PIDD1: variants seen among roughly 807,000 people sequenced by gnomAD.
PIDD1 encodes the protein p53-induced death domain-containing protein 1.
In PIDD1, 72 loss-of-function variants were observed where a neutral mutation model predicts 80.0. The observed-to-expected ratio is 0.90, with a 90% CI of 0.74 to 1.09. The LOEUF is 1.09. Ranked by LOEUF, PIDD1 falls within the 50% of genes least tolerant of loss-of-function variation. PIDD1 has a pLI of 0.00. For synonymous variants in PIDD1, 655 were observed against 543.5 expected, an observed-to-expected ratio of 1.21 and a Z score of -2.85; for missense variants, 1,329 against 1,228.3, an observed-to-expected ratio of 1.08 and a Z score of -1.23.
rs767919263 is a variant in PIDD1 at position 800,045 on chromosome 11, G to A, written c.2275-31C>T. 4 of 1,609,284 alleles carry A rather than the reference G, an allele frequency of 2.5e-6. No individual in the cohort carries two copies. The African/African-American group carries it at 4.0e-5, about 16-fold the overall frequency. On this transcript the variant is annotated intron_variant, in intron 14 of 15. Transcript: ENST00000347755. Reference sequence around the variant, plus strand: ...GGAAGGAAAAAGTGCATTAAGCCCTGGGCTCCACCCCCAACTCCACCATGT... The same window carrying A: ...GGAAGGAAAAAGTGCATTAAGCCCTAGGCTCCACCCCCAACTCCACCATGT...
In PIDD1 at chr11:801,481, A is replaced by G; in HGVS notation, c.1446T>C (p.Pro482=). The change falls in exon 8 of 16, where the codon CCT becomes CCC. Residue 482 remains proline (P), a synonymous_variant. Coordinates refer to ENST00000347755, the MANE Select transcript of PIDD1 (RefSeq NM_145886.4). The part of the protein sequence containing the change: ...GHPGVKVIFP[P]GATEEPRRVS... ...CTCGACGAGGCTCCTCAGTGGCCCCAGGGGGGAAGATGACTTTGACCCCAG... is the reference window on the plus strand; with the variant it reads ...CTCGACGAGGCTCCTCAGTGGCCCCGGGGGGGAAGATGACTTTGACCCCAG... 6.5e-7 allele frequency: 1 copy of G among 1,546,178 alleles called. No individual in the cohort carries two copies. The highest frequency in any genetic ancestry group is 8.7e-7 in the Non-Finnish European group (1 of 1,143,784).
rs1865637494 is a variant in PIDD1 at position 804,454 on chromosome 11, C to G, written c.-66G>C. 6.6e-6 allele frequency: 10 copies of G among 1,507,550 alleles called. No homozygotes were observed. Among genetic ancestry groups the G allele is most frequent in the African/African-American group, 1.4e-5 (1 of 72,026 alleles). 93.4% of individuals were successfully genotyped at this position (1,507,550 alleles called of 1,614,324 possible). On this transcript the variant is annotated 5_prime_UTR_variant, in exon 2 of 16. Transcript: ENST00000347755. ...CGCAGGCAGGCCTGTCCAGGCAGCG[C>G]CCGGGGAAGCTGCAGAGGCAGGAGG... is the stretch of plus-strand genomic sequence containing the variant.
At chr11:808,429 A>G (rs1393619461), upstream of PIDD1, among the ~76,000 whole-genome samples, 3 of 151,910 alleles carry the variant, frequency 2.0e-5, no homozygotes, top group African/African-American at 4.8e-5. Context: ...CTCAGAAAAA[A>G]AGAAAAAAAA....
In PIDD1 at chr11:800,239, G is replaced by C; in HGVS notation, c.2166C>G (p.Ser722=). The C allele has an allele frequency of 6.2e-7, 1 of 1,610,454 alleles. No individual in the cohort carries two copies. Among genetic ancestry groups the C allele is most frequent in the South Asian group, 1.1e-5 (1 of 90,942 alleles). Residue 722 remains serine (S), a synonymous_variant, in exon 14 of 16, where the codon TCC becomes TCG. Coordinates refer to ENST00000347755, the MANE Select transcript of PIDD1 (RefSeq NM_145886.4). ...REAQAVRGQV[S]FYRGAVPVRV... The stretch of plus-strand genomic sequence containing the variant: ...GCACAGGCACCGCGCCACGGTAGAA[G>C]GACACCTGAAGGGGCATCGAATGGG...
At chr11:800,043 C>T in intron 14 of PIDD1, 29 bp from the exon 15 acceptor site, 1 of 1,609,880 alleles carries the variant, frequency 6.2e-7, no homozygotes, top group South Asian at 1.1e-5. Flanking sequence ...GCATTAAGCC[C>T]TGGGCTCCAC....
At chr11:803,058 A>G in intron 3 of PIDD1, 116 bp downstream of exon 3, 2 of 971,328 alleles carry the variant, frequency 2.1e-6, no homozygotes. Flanking sequence ...AGGTGGAGGG[A>G]CAACCAAGAG....
upstream of PIDD1, chr11:805,579 G>A (rs1865729405): frequency 7.2e-6 from 7 of 976,166 alleles, no homozygotes; most frequent in South Asian, 4.7e-5. Context: ...CCCAGGCCGG[G>A]GTGACGGGGG....
intron 2 of PIDD1, 167 bp downstream of exon 2, chr11:803,927 G>T: frequency 1.3e-6 from 1 of 779,616 alleles, no homozygotes; most frequent in Non-Finnish European, 2.0e-6. Flanking sequence ...GATCACCGAG[G>T]ATGGCGATGG....
Position 804,155 on chromosome 11 carries a change from C to G in PIDD1, c.234G>C (p.Leu78=), listed in dbSNP as rs1395506661. Residue 78 remains leucine, a synonymous_variant, in exon 2 of 16, where the codon CTG becomes CTC. Transcript: ENST00000347755. ...GAGGCAGCTGGGCCAGGGTGGCCTCCAGCAGCTGAGGGTCCTCGTGAGTGC... is the reference window on the plus strand; with the variant it reads ...GAGGCAGCTGGGCCAGGGTGGCCTCGAGCAGCTGAGGGTCCTCGTGAGTGC... The part of the protein sequence containing the change: ...RLSTHEDPQL[L]EATLAQLPQS... 1 of 1,613,318 alleles carries G rather than the reference C, an allele frequency of 6.2e-7. No homozygotes were observed. The highest frequency in any genetic ancestry group is 1.3e-5 in the African/African-American group (1 of 75,044).
chr11:799,915 G>C lies in PIDD1; in HGVS notation c.2374C>G (p.Leu792Val). The C allele has an allele frequency of 1.2e-6, 2 of 1,612,696 alleles. No individual in the cohort carries two copies. Among genetic ancestry groups the C allele is most frequent in the Non-Finnish European group, 1.7e-6 (2 of 1,179,918 alleles). ...CCCAGACGCCCAGCCACACTCAGCA[G>C]GTTGCTCTGCGTCAGAAAGCCGGTC... ...AETGFLTQSN[L>V]LSVAGRLGLD... The change falls in exon 15 of 16, where the codon CTG (leucine) becomes GTG (valine). Residue 792 changes from leucine to valine, a missense_variant. Leu to Val is a conservative substitution (Grantham distance 32). Coordinates refer to ENST00000347755, the MANE Select transcript of PIDD1 (RefSeq NM_145886.4).
rs763337871 is a variant in PIDD1, at chr11:801,844, G to A, written c.1302+121C>T. On this transcript the variant is annotated intron_variant, in intron 7 of 15. Coordinates refer to ENST00000347755, the MANE Select transcript of PIDD1 (RefSeq NM_145886.4). ...GGGTGGAAGGTGCCAGGGACATAGGGAAGCAGGATCCAGGAGGGACGGGGC... is the reference window on the plus strand; with the variant it reads ...GGGTGGAAGGTGCCAGGGACATAGGAAAGCAGGATCCAGGAGGGACGGGGC... 5 of 1,351,950 alleles carry A rather than the reference G, an allele frequency of 3.7e-6. No individual in the cohort carries two copies. In the South Asian group the frequency reaches 3.8e-5, roughly 10 times the overall value. The allele number at this position is 1,351,950 out of a possible 1,614,324, so 83.7% of individuals were successfully genotyped here. A position where few individuals can be genotyped will look rare whatever the true frequency, so the allele number is the denominator to read the frequency against.
Position 804,463 on chromosome 11 carries a change from GC to G in PIDD1, c.-75-1del. The G allele has an allele frequency of 6.7e-7, 1 of 1,503,736 alleles. No individual in the cohort carries two copies. Among genetic ancestry groups the G allele is most frequent in the Non-Finnish European group, 8.8e-7 (1 of 1,132,584 alleles). The allele number at this position is 1,503,736 out of a possible 1,614,324, so 93.1% of individuals were successfully genotyped here. Reference sequence around the variant, plus strand: ...GCCTGTCCAGGCAGCGCCCGGGGAAGCTGCAGAGGCAGGAGGAGGAGTGAGC... The same window carrying G: ...GCCTGTCCAGGCAGCGCCCGGGGAAGTGCAGAGGCAGGAGGAGGAGTGAGC... On this transcript the variant is annotated splice_acceptor_variant, in intron 1 of 15. Coordinates refer to ENST00000347755, the MANE Select transcript of PIDD1 (RefSeq NM_145886.4). LOFTEE classifies it low-confidence loss of function (5UTR_SPLICE).
rs772165329 is a variant in PIDD1, at chr11:803,437, C to A, written c.446G>T (p.Gly149Val). 1 of 1,613,900 alleles carries A rather than the reference C, an allele frequency of 6.2e-7. No individual in the cohort carries two copies. The highest frequency in any genetic ancestry group is 1.1e-5 in the South Asian group (1 of 91,086). The change falls in exon 3 of 16, where the codon GGT becomes GTT. Residue 149 changes from glycine to valine, a missense_variant. Coordinates refer to ENST00000347755, the MANE Select transcript of PIDD1 (RefSeq NM_145886.4). Reference sequence around the variant, plus strand: ...GTGAGACAGCAAGAGCGCACCCAGACCTCGCATCTGCAGGACACAGGCCGG... The same window carrying A: ...GTGAGACAGCAAGAGCGCACCCAGAACTCGCATCTGCAGGACACAGGCCGG... ...TLPACVLQMRGLGALLLSHNC... is the reference protein window; with the variant it reads ...TLPACVLQMRVLGALLLSHNC...
In PIDD1 at chr11:803,369, C is replaced by T. The variant is rs144504693; in HGVS notation, c.514G>A (p.Ala172Thr). 7.1e-5 allele frequency: 114 copies of T among 1,613,814 alleles called. No homozygotes were observed. The highest frequency in any genetic ancestry group is 1.3e-4 in the Admixed American group (8 of 60,012). ...ELPEALGALP[A>T]LTFLTVTHNR... ...TGTGTCACTGTGAGGAAGGTGAGGG[C>T]GGGGAGGGCCCCCAGAGCCTCAGGC... The change falls in exon 3 of 16, where the codon GCC becomes ACC. Residue 172 changes from alanine to threonine, a missense_variant. Coordinates refer to ENST00000347755, the MANE Select transcript of PIDD1 (RefSeq NM_145886.4).
At chr11:805,662 C>G (rs1865732652), upstream of PIDD1, 11 of 985,470 alleles carry the variant, frequency 1.1e-5, no homozygotes, top group Non-Finnish European at 1.2e-5. Flanking sequence ...CAAACCAGCC[C>G]AAACGGCCTC....
chr11:805,797 A>C, upstream of PIDD1: 1 of 528,716 alleles, frequency 1.9e-6, no homozygotes, highest in Non-Finnish European at 2.4e-6. Flanking sequence ...GGGGAGAAGG[A>C]GGCGTTAAGA....
rs1865542809 is a variant in PIDD1, at chr11:803,419, A to G, written c.464T>C (p.Leu155Pro). 6.2e-7 allele frequency: 1 copy of G among 1,613,966 alleles called. No individual in the cohort carries two copies. Among genetic ancestry groups the G allele is most frequent in the African/African-American group, 1.3e-5 (1 of 75,054 alleles). The change falls in exon 3 of 16, where the codon CTG becomes CCG. Residue 155 changes from leucine (L) to proline (P), a missense_variant. Transcript: ENST00000347755. ...CAGCTCAGAGAGGCAGTTGTGAGAC[A>G]GCAAGAGCGCACCCAGACCTCGCAT... Reference protein sequence around the residue: ...LQMRGLGALLLSHNCLSELPE... With the variant: ...LQMRGLGALLPSHNCLSELPE...
chr11:799,206 T>G lies in PIDD1; in HGVS notation c.*101A>C. Reference sequence around the variant, plus strand: ...AGGTGAAAGAAACAGTGCAGTTTTGTTGCTCACAGGGACCCGTCCCCACAC... The same window carrying G: ...AGGTGAAAGAAACAGTGCAGTTTTGGTGCTCACAGGGACCCGTCCCCACAC... On this transcript the variant is annotated 3_prime_UTR_variant, in exon 16 of 16. Transcript: ENST00000347755. The G allele has an allele frequency of 8.3e-7, 1 of 1,205,472 alleles. No homozygotes were observed. The highest frequency in any genetic ancestry group is 1.1e-6 in the Non-Finnish European group (1 of 886,228). The allele number at this position is 1,205,472 out of a possible 1,614,324, so 74.7% of individuals were successfully genotyped here.
chr11:803,308 G>T lies in PIDD1; in HGVS notation c.575C>A (p.Ala192Asp). Reference sequence around the variant, plus strand: ...ATCGAGGCGCTGCAGGGTGGATAGGGCCCCCAGTGCTGGGGGCAGCGTCTG... The same window carrying T: ...ATCGAGGCGCTGCAGGGTGGATAGGTCCCCCAGTGCTGGGGGCAGCGTCTG... ...RLQTLPPALG[A>D]LSTLQRLDLS... The change falls in exon 3 of 16, where the codon GCC becomes GAC. Residue 192 changes from alanine (A) to aspartate (D), a missense_variant. By Grantham distance (126) the Ala-to-Asp change is moderately radical (BLOSUM62 -2). Coordinates refer to ENST00000347755, the MANE Select transcript of PIDD1 (RefSeq NM_145886.4). The T allele has an allele frequency of 6.2e-7, 1 of 1,613,830 alleles. No individual in the cohort carries two copies. Among genetic ancestry groups the T allele is most frequent in the Non-Finnish European group, 8.5e-7 (1 of 1,179,926 alleles).
Sources: allele counts gnomAD v4.1 joint callset (sites outside exome capture counted in the v4.1 genomes callset), GRCh38; gene constraint gnomAD v4.1.1; transcripts MANE v1.5; gene names NCBI Gene and HGNC (gene_info 2026-07-23, HGNC 2026-07-21).